Variants in CACNB1 observed in about 807,000 individuals in gnomAD.
CACNB1 encodes calcium voltage-gated channel auxiliary subunit beta 1.
Under a neutral mutation model 71.6 loss-of-function variants are expected in CACNB1, and 29 were observed. The ratio of observed to expected loss-of-function variants is 0.40; its 90% CI spans 0.30 to 0.55. CACNB1 has a LOEUF of 0.55. Among genes scored for constraint, CACNB1 ranks in the 20% least tolerant of loss-of-function variants. The probability of loss-of-function intolerance (pLI) is 0.38; values close to 1 mark genes in which losing one functional copy is unlikely to be tolerated. For missense variants in CACNB1, 623 were observed against 801.8 expected (o/e 0.78, Z 2.69); for synonymous variants, 300 against 319.6 (o/e 0.94, Z 0.65).
Position 39,175,653 on chromosome 17 carries a change from G to T in CACNB1, c.1337C>A (p.Pro446His), listed in dbSNP as rs767442726. ...TGGCTGGTCCCCGGAAGCAAGGTAGGGTCCCTGGTTAGCAGACGGACAGCA... is the reference window on the plus strand; with the variant it reads ...TGGCTGGTCCCCGGAAGCAAGGTAGTGTCCCTGGTTAGCAGACGGACAGCA... The part of the protein sequence containing the change: ...SPAPVSNLQG[P>H]YLASGDQPLE... Residue 446 changes from proline to histidine, a missense_variant, in exon 14 of 14, where the codon CCC (proline) becomes CAC (histidine). Transcript: ENST00000394303. The surrounding 1 kb of genome is among the most constrained non-coding windows in gnomAD (Gnocchi z 4.7). 2 of 1,559,610 alleles carry T rather than the reference G, an allele frequency of 1.3e-6. No individual in the cohort carries two copies. The highest frequency in any genetic ancestry group is 1.2e-5 in the South Asian group (1 of 81,954).
intron 3 of CACNB1, among the ~76,000 whole-genome samples, chr17:39,188,726 C>T (rs1390893196): frequency 6.6e-6 from 1 of 152,030 alleles, no homozygotes; most frequent in African/African-American, 2.4e-5. Flanking sequence ...TGGGGAAGCC[C>T]ACAATGATAC....
chr17:39,179,911 AAAC>A (rs1202099302), intron 11 of CACNB1, among the ~76,000 whole-genome samples: 5 of 151,754 alleles, frequency 3.3e-5, no homozygotes, highest in African/African-American at 4.8e-5. Context: ...TCTGTCTAAA[AAAC>A]AACAGGCAAC....
intron 6 of CACNB1, 97 bp from the exon 7 acceptor site, chr17:39,185,247 GGA>G (rs2045905641): frequency 1.4e-5 from 13 of 923,224 alleles, no homozygotes; most frequent in Admixed American, 5.3e-5. Flanking sequence ...GACAAGAGAG[GGA>G]GGGAGAGCCG....
chr17:39,178,158 T>G (rs1421255639), intron 11 of CACNB1, 79 bp from the exon 12 acceptor site: 10 of 1,013,320 alleles, frequency 9.9e-6, no homozygotes, highest in Non-Finnish European at 1.4e-5. Flanking sequence ...GGGTCCTGGT[T>G]GGATCAGCAT....
In CACNB1 at chr17:39,175,375, C is replaced by T. The variant is rs750388846; in HGVS notation, c.1615G>A (p.Gly539Ser). 22 of 1,614,040 alleles carry T rather than the reference C, an allele frequency of 1.4e-5. No homozygotes were observed. The South Asian group carries it at 1.9e-4, about 14-fold the overall frequency. ...GPGLGDPAGG[G>S]TPPARQGSWE... Reference sequence around the variant, plus strand: ...GATCCCTGTCGGGCTGGGGGCGTGCCGCCCCCTGCAGGGTCTCCAAGCCCT... The same window carrying T: ...GATCCCTGTCGGGCTGGGGGCGTGCTGCCCCCTGCAGGGTCTCCAAGCCCT... Residue 539 changes from glycine (G) to serine (S), a missense_variant, in exon 14 of 14, where the codon GGC becomes AGC. Coordinates refer to ENST00000394303, the MANE Select transcript of CACNB1 (RefSeq NM_000723.5). This position sits in a 1 kb window ranked among gnomAD's most constrained non-coding sequence, Gnocchi z 4.7.
chr17:39,187,445 C>A lies in CACNB1; in HGVS notation c.414+34G>T, dbSNP rs1225061494. ...AGCACTCTGGCTGCCTGTCTCCTGG[C>A]ACCCACTTCCCTGCCCTCCCTCCAG... On this transcript the variant is annotated intron_variant, in intron 4 of 13. Coordinates refer to ENST00000394303, the MANE Select transcript of CACNB1 (RefSeq NM_000723.5). 5 of 1,612,054 alleles carry A rather than the reference C, an allele frequency of 3.1e-6. No individual in the cohort carries two copies. In the East Asian group the frequency reaches 8.9e-5, roughly 29 times the overall value.
In CACNB1 at chr17:39,186,619, TG is replaced by T. The variant is rs749429588; in HGVS notation, c.552-48del. 8 of 1,558,924 alleles carry T rather than the reference TG, an allele frequency of 5.1e-6. No homozygotes were observed. In the East Asian group the frequency reaches 6.7e-5, roughly 13 times the overall value. On this transcript the variant is annotated intron_variant, in intron 5 of 13. Coordinates refer to ENST00000394303, the MANE Select transcript of CACNB1 (RefSeq NM_000723.5). This position sits in a 1 kb window ranked among gnomAD's most constrained non-coding sequence, Gnocchi z 4.1. ...GAGCTTGTGAGCAAAGAGGTGGGCG[TG>T]GGGGGCTCTCATCCTCTCACATGCG...
intron 11 of CACNB1, among the ~76,000 whole-genome samples, chr17:39,178,828 C>A (rs1018471962): frequency 6.6e-6 from 1 of 152,124 alleles, no homozygotes; most frequent in Admixed American, 6.6e-5. Flanking sequence ...ATTCTCATCT[C>A]AACAACAAGA....
chr17:39,191,393 C>T, intron 3 of CACNB1, 81 bp downstream of exon 3: 1 of 1,427,658 alleles, frequency 7.0e-7, no homozygotes, highest in East Asian at 2.5e-5. Context: ...AAGACTTGGC[C>T]CTGGTTCTGT....
In CACNB1 at chr17:39,177,425, T is replaced by C; in HGVS notation, c.1257A>G (p.Pro419=). 3.1e-6 allele frequency: 5 copies of C among 1,613,770 alleles called. No homozygotes were observed. The highest frequency in any genetic ancestry group is 4.2e-6 in the Non-Finnish European group (5 of 1,179,874). ...TGGTGCGGTTCAGCAGCGGATTGGG[T>C]GGCGTGCTGCTGGGCGGGTGTGTGG... The part of the protein sequence containing the change: ...WKATHPPSST[P]PNPLLNRTMA... The change falls in exon 13 of 14, where the codon CCA becomes CCG. Residue 419 remains proline, a synonymous_variant. Transcript: ENST00000394303.
intron 11 of CACNB1, among the ~76,000 whole-genome samples, chr17:39,181,305 G>A (rs369350721): frequency 2.6e-5 from 4 of 151,922 alleles, no homozygotes; most frequent in African/African-American, 7.3e-5. Flanking sequence ...TGTTGCCCAG[G>A]CTGGTCTTGA....
chr17:39,195,142 C>T (rs2046176645), intron 1 of CACNB1, 172 bp from the exon 2 acceptor site: 1 of 573,358 alleles, frequency 1.7e-6, no homozygotes, highest in Non-Finnish European at 3.1e-6. Flanking sequence ...GAGGGTCTCC[C>T]ATCCTCACGG....
Position 39,183,841 on chromosome 17 carries a change from G to A in CACNB1, c.922C>T (p.Arg308Ter), listed in dbSNP as rs1009806701. The change falls in exon 11 of 14, where the codon CGA becomes TGA. Residue 308 changes from arginine (R) to a stop codon, truncating the protein, a stop_gained. Coordinates refer to ENST00000394303, the MANE Select transcript of CACNB1 (RefSeq NM_000723.5). LOFTEE classifies it high-confidence loss of function. ...AGGGTCCGGGCCAGCTCGAAGATTC[G>A]CTCGATTTCACTCTGCACCTCAGCT... ...SLAEVQSEIE[R>*]IFELARTLQL... 1.2e-6 allele frequency: 2 copies of A among 1,613,756 alleles called. No homozygotes were observed. The highest frequency in any genetic ancestry group is 1.7e-6 in the Non-Finnish European group (2 of 1,179,744).
rs576907009 is a variant in CACNB1, at chr17:39,196,432, G to A, written c.84+980C>T. The stretch of plus-strand genomic sequence containing the variant: ...CAGTCAGCTGCCTCCCAGGCTCAAA[G>A]GGGCCTGGGGTGGAGGAAGGTATTT... On this transcript the variant is annotated intron_variant, in intron 1 of 13. Transcript: ENST00000394303. Among the ~76,000 whole-genome samples, 338 of 152,260 alleles carry A rather than the reference G, an allele frequency of 2.2e-3. 1 individual carries two copies. The highest frequency in any genetic ancestry group is 7.9e-3 in the African/African-American group (327 of 41,554).
chr17:39,174,925 C>G lies in CACNB1; in HGVS notation c.*268G>C. On this transcript the variant is annotated 3_prime_UTR_variant, in exon 14 of 14. Transcript: ENST00000394303. ...TCTCTAGGAGGGTGAGGGAGGAGAGCCCCTTAAGATGGGAGAAAGGGGACA... is the reference window on the plus strand; with the variant it reads ...TCTCTAGGAGGGTGAGGGAGGAGAGGCCCTTAAGATGGGAGAAAGGGGACA... The G allele has an allele frequency of 2.1e-6, 1 of 480,152 alleles. No homozygotes were observed. The highest frequency in any genetic ancestry group is 3.7e-6 in the Non-Finnish European group (1 of 270,356). The allele number at this position is 480,152 out of a possible 1,614,324, so 29.7% of individuals were successfully genotyped here.
At chr17:39,176,105 C>T (rs770272321) in intron 13 of CACNB1, among the ~76,000 whole-genome samples, 5 of 152,214 alleles carry the variant, frequency 3.3e-5, no homozygotes, top group Non-Finnish European at 5.9e-5. Context: ...GCTTCTTCGA[C>T]CCACACCAAA....
At chr17:39,190,086 A>G (rs1178418609) in intron 3 of CACNB1, among the ~76,000 whole-genome samples, 1 of 151,570 alleles carries the variant, frequency 6.6e-6, no homozygotes, top group East Asian at 2.0e-4. Context: ...ACTGTACCCC[A>G]GCCTGGGCGG....
Position 39,173,830 on chromosome 17 carries a change from G to C in CACNB1, c.*1363C>G, listed in dbSNP as rs894054736. On this transcript the variant is annotated 3_prime_UTR_variant, in exon 14 of 14. Transcript: ENST00000394303. ...GGACAGGACAGTGGTTTTATATATG[G>C]CAAAATACTTCTCCTAGGGGAGTAC... 3 of 152,474 alleles carry C rather than the reference G, an allele frequency of 2.0e-5. No individual in the cohort carries two copies. The highest frequency in any genetic ancestry group is 7.3e-5 in the African/African-American group (3 of 41,356). The allele number at this position is 152,474 out of a possible 1,614,324, so 9.4% of individuals were successfully genotyped here. A position where few individuals can be genotyped will look rare whatever the true frequency, so the allele number is the denominator to read the frequency against.
At chr17:39,183,507 T>A (rs2045844950) in intron 11 of CACNB1, among the ~76,000 whole-genome samples, 1 of 152,148 alleles carries the variant, frequency 6.6e-6, no homozygotes, top group Admixed American at 6.5e-5. Context: ...AAATAATAGC[T>A]AACATGTTGT....
Sources: allele counts gnomAD v4.1 joint callset (sites outside exome capture counted in the v4.1 genomes callset), GRCh38; gene constraint gnomAD v4.1.1; non-coding constraint Gnocchi (gnomAD v3.1); transcripts MANE v1.5; gene names NCBI Gene and HGNC (gene_info 2026-07-23, HGNC 2026-07-21).